NSG2: variants seen among roughly 807,000 people sequenced by gnomAD.
NSG2 encodes neuronal vesicle trafficking associated 2, also known as neuronal vesicle trafficking-associated protein 2.
In NSG2, 4 loss-of-function variants were observed where a neutral mutation model predicts 16.9. The ratio of observed to expected loss-of-function variants is 0.24; its 90% CI spans 0.12 to 0.54. The LOEUF (loss-of-function observed/expected upper bound fraction) is 0.54. Ranked by LOEUF, NSG2 falls within the 20% of genes least tolerant of loss-of-function variation. The pLI is 0.95. For synonymous variants in NSG2, 98 were observed against 88.7 expected, an observed-to-expected ratio of 1.11 and a Z score of -0.59; for missense variants, 179 against 221.1, an observed-to-expected ratio of 0.81 and a Z score of 1.21.
rs1206134890 is a variant in NSG2 at position 174,072,521 on chromosome 5, C to T, written c.213+8206C>T. ...AAGCCTGTCCTTTCTCCTTTGGGTT[C>T]CTGCATGTCCTATAGGACCCTCCAT... On this transcript the variant is annotated intron_variant, in intron 3 of 4. Coordinates refer to ENST00000303177, the MANE Select transcript of NSG2 (RefSeq NM_015980.5). This position sits in a 1 kb window ranked among gnomAD's most constrained non-coding sequence, Gnocchi z 4.0. Among the ~76,000 whole-genome samples the T allele has an allele frequency of 1.3e-5, 2 of 152,258 alleles. No homozygotes were observed. Among genetic ancestry groups the T allele is most frequent in the Non-Finnish European group, 2.9e-5 (2 of 68,044 alleles).
At chr5:174,046,597 G>T in intron 1 of NSG2, 137 bp from the exon 2 acceptor site, 1 of 671,086 alleles carries the variant, frequency 1.5e-6, no homozygotes, top group Non-Finnish European at 2.5e-6. Context: ...TGGAAATCTA[G>T]TGGAAGATCA....
chr5:174,052,087 G>T (rs150888870), intron 2 of NSG2, among the ~76,000 whole-genome samples: 1 of 152,220 alleles, frequency 6.6e-6, no homozygotes, highest in Non-Finnish European at 1.5e-5. Context: ...ACAAGGGACA[G>T]GTTCAGTCTC....
chr5:174,098,205 C>G (rs1760836792), intron 3 of NSG2, among the ~76,000 whole-genome samples: 1 of 152,196 alleles, frequency 6.6e-6, no homozygotes, highest in Non-Finnish European at 1.5e-5. Context: ...AGAGAAGCAA[C>G]TGCAGGAGCT....
At position 174,092,240 on chromosome 5, in the gene NSG2, G is replaced by C. The variant is rs553402831; in HGVS notation, c.214-11988G>C. The stretch of plus-strand genomic sequence containing the variant: ...TGCTGTGCCAGGAGATGGGAAGTCA[G>C]GGGGAGGGCTTTCAGCCCCACCATG... On this transcript the variant is annotated intron_variant, in intron 3 of 4. Coordinates refer to ENST00000303177, the MANE Select transcript of NSG2 (RefSeq NM_015980.5). Among the ~76,000 whole-genome samples, 4 of 152,350 alleles carry C rather than the reference G, an allele frequency of 2.6e-5. No homozygotes were observed. The East Asian group carries it at 5.8e-4, about 22-fold the overall frequency.
At chr5:174,094,918 TA>T (rs1480736529) in intron 3 of NSG2, among the ~76,000 whole-genome samples, 1 of 152,200 alleles carries the variant, frequency 6.6e-6, no homozygotes, top group Non-Finnish European at 1.5e-5. Context: ...AAGTTGGGAA[TA>T]AGATTTGGTC....
At chr5:174,075,411 G>A (rs1353456195) in intron 3 of NSG2, among the ~76,000 whole-genome samples, 1 of 152,196 alleles carries the variant, frequency 6.6e-6, no homozygotes, top group African/African-American at 2.4e-5. Context: ...CACATTTGGG[G>A]AATTGGCTAA....
At chr5:174,099,573 C>T (rs187445041) in intron 3 of NSG2, among the ~76,000 whole-genome samples, 28 of 152,280 alleles carry the variant, frequency 1.8e-4, no homozygotes, top group African/African-American at 4.6e-4. Context: ...CCCTGTTGTC[C>T]TTGAGATCAA....
At chr5:174,063,788 A>G (rs892886503) in intron 2 of NSG2, among the ~76,000 whole-genome samples, 1 of 152,150 alleles carries the variant, frequency 6.6e-6, no homozygotes, top group African/African-American at 2.4e-5. Flanking sequence ...TAACAATTAA[A>G]GTTTAATTAG....
At chr5:174,059,670 T>C (rs1455011217) in intron 2 of NSG2, among the ~76,000 whole-genome samples, 1 of 152,176 alleles carries the variant, frequency 6.6e-6, no homozygotes, top group Non-Finnish European at 1.5e-5. Context: ...TAGGTCTAAC[T>C]TCAGGCAAGG....
At chr5:174,067,496 A>T (rs1760162937) in intron 3 of NSG2, among the ~76,000 whole-genome samples, 1 of 152,218 alleles carries the variant, frequency 6.6e-6, no homozygotes, top group Non-Finnish European at 1.5e-5. Context: ...GGGGTCAGGA[A>T]AGAAGGGCTT....
At chr5:174,070,601 A>C (rs1760222247) in intron 3 of NSG2, among the ~76,000 whole-genome samples, 1 of 152,166 alleles carries the variant, frequency 6.6e-6, no homozygotes, top group African/African-American at 2.4e-5. Context: ...AAAATGGATA[A>C]AACAAAACCT....
chr5:174,082,291 C>T (rs1451068928), intron 3 of NSG2: 1 of 152,200 alleles, frequency 6.6e-6, no homozygotes, highest in African/African-American at 2.4e-5. Flanking sequence ...ACGTGGCTTA[C>T]AATTTAATGT....
At chr5:174,075,403 C>T (rs1760321412) in intron 3 of NSG2, among the ~76,000 whole-genome samples, 1 of 152,226 alleles carries the variant, frequency 6.6e-6, no homozygotes, top group Admixed American at 6.5e-5. Flanking sequence ...AAACCCTGCA[C>T]ATTTGGGGAA....
chr5:174,048,665 C>T (rs980588844), intron 2 of NSG2, among the ~76,000 whole-genome samples: 2 of 152,180 alleles, frequency 1.3e-5, no homozygotes, highest in African/African-American at 4.8e-5. Flanking sequence ...TAGCCTTCTA[C>T]ATGCCTGCAG....
At chr5:174,048,953 T>C (rs1759842688) in intron 2 of NSG2, among the ~76,000 whole-genome samples, 1 of 152,180 alleles carries the variant, frequency 6.6e-6, no homozygotes, top group Admixed American at 6.5e-5. Context: ...GGCCTCAGTT[T>C]CCTGTTTTTT....
intron 3 of NSG2, chr5:174,066,097 G>A (rs1423041894): frequency 4.7e-6 from 2 of 425,534 alleles, no homozygotes; most frequent in Admixed American, 4.9e-5. Flanking sequence ...TGGCCCAGGG[G>A]AGGAGTGTGG....
chr5:174,080,151 A>G (rs1158898608), intron 3 of NSG2, among the ~76,000 whole-genome samples: 1 of 152,070 alleles, frequency 6.6e-6, no homozygotes, highest in East Asian at 1.9e-4. Flanking sequence ...TCTTCTATTG[A>G]ACTGACTGTT....
At chr5:174,103,969 T>C (rs1760938662) in intron 3 of NSG2, among the ~76,000 whole-genome samples, 1 of 151,808 alleles carries the variant, frequency 6.6e-6, no homozygotes, top group Non-Finnish European at 1.5e-5. Context: ...TGAGACTCCA[T>C]CTCACAAAAA....
At chr5:174,085,050 T>C (rs1239037278) in intron 3 of NSG2, among the ~76,000 whole-genome samples, 2 of 152,224 alleles carry the variant, frequency 1.3e-5, no homozygotes, top group African/African-American at 4.8e-5. Flanking sequence ...TAATTAAGGC[T>C]GTGACTCACC....
Sources: allele counts gnomAD v4.1 joint callset (sites outside exome capture counted in the v4.1 genomes callset), GRCh38; gene constraint gnomAD v4.1.1; non-coding constraint Gnocchi (gnomAD v3.1); transcripts MANE v1.5; gene names NCBI Gene and HGNC (gene_info 2026-07-23, HGNC 2026-07-21).